SNX29: variants seen among roughly 807,000 people sequenced by gnomAD.
SNX29 encodes the protein sorting nexin 29.
SNX29 carries 78 observed loss-of-function variants against 102.1 expected under a neutral mutation model. The observed-to-expected ratio is 0.76, with a 90% CI of 0.64 to 0.92. SNX29 has a LOEUF of 0.92. Ranked by LOEUF, SNX29 falls within the 40% of genes least tolerant of loss-of-function variation. The probability of loss-of-function intolerance (pLI) is 0.00; values close to 1 mark genes in which losing one functional copy is unlikely to be tolerated. For missense variants in SNX29, 1,280 were observed against 1,061.7 expected (o/e 1.21, Z -2.86); for synonymous variants, 580 against 414.5 (o/e 1.40, Z -4.85).
At chr16:12,361,217 C>A (rs1370863637) in intron 16 of SNX29, among the ~76,000 whole-genome samples, 1 of 152,150 alleles carries the variant, frequency 6.6e-6, no homozygotes, top group Non-Finnish European at 1.5e-5. Flanking sequence ...CTCTGTTGTC[C>A]CTGCCCAACA....
At chr16:12,563,515 C>A (rs556384736) in intron 20 of SNX29, among the ~76,000 whole-genome samples, 1 of 152,188 alleles carries the variant, frequency 6.6e-6, no homozygotes, top group East Asian at 1.9e-4. Context: ...CTCCTCCCCG[C>A]ATGTGAAAAA....
At chr16:12,507,832 G>T (rs1217219012) in intron 19 of SNX29, among the ~76,000 whole-genome samples, 1 of 152,264 alleles carries the variant, frequency 6.6e-6, no homozygotes, top group African/African-American at 2.4e-5. Context: ...CTTGACAGGT[G>T]GCGCTTCTGT....
chr16:12,088,012 A>G (rs1412228752), intron 11 of SNX29: 1 of 456,624 alleles, frequency 2.2e-6, no homozygotes, highest in South Asian at 1.5e-5. Context: ...TTTGGGGGGT[A>G]TGAGCACTGC....
chr16:12,047,714 A>G (rs1417487497), intron 6 of SNX29, among the ~76,000 whole-genome samples: 1 of 148,874 alleles, frequency 6.7e-6, no homozygotes, highest in Admixed American at 6.7e-5. Context: ...CTGGAGTGCA[A>G]TGGCAGGATC....
intron 16 of SNX29, among the ~76,000 whole-genome samples, chr16:12,394,379 C>T (rs143904836): frequency 1.3e-5 from 2 of 152,310 alleles, no homozygotes; most frequent in East Asian, 1.9e-4. Flanking sequence ...GGAGCCAGAC[C>T]ACCTGTGTTT....
chr16:12,493,736 C>T (rs981953440), intron 19 of SNX29, among the ~76,000 whole-genome samples: 9 of 152,130 alleles, frequency 5.9e-5, no homozygotes, highest in Non-Finnish European at 8.8e-5. Context: ...GGACTATAGG[C>T]GCATGCCACC....
At chr16:12,491,034 C>T (rs1434040477) in intron 19 of SNX29, among the ~76,000 whole-genome samples, 4 of 152,226 alleles carry the variant, frequency 2.6e-5, no homozygotes, top group Non-Finnish European at 2.9e-5. Flanking sequence ...TAGCCTTTCA[C>T]AACTGCTGTT....
chr16:12,541,960 C>G (rs973235759), intron 20 of SNX29, among the ~76,000 whole-genome samples: 6 of 152,200 alleles, frequency 3.9e-5, no homozygotes, highest in African/African-American at 1.4e-4. Flanking sequence ...GACGCTGGAT[C>G]CACTTCAGAG....
At chr16:12,552,580 CA>C (rs2078049173) in intron 20 of SNX29, among the ~76,000 whole-genome samples, 1 of 151,272 alleles carries the variant, frequency 6.6e-6, no homozygotes, top group South Asian at 2.1e-4. Flanking sequence ...TTGCTGCCCT[CA>C]TGGAGTTTAT....
chr16:12,329,481 A>C (rs2081231283), intron 15 of SNX29, among the ~76,000 whole-genome samples: 1 of 152,076 alleles, frequency 6.6e-6, no homozygotes. Context: ...CATAAACCGC[A>C]GGACTGACCA....
chr16:12,526,802 C>T (rs2076796487), intron 20 of SNX29: 2 of 412,550 alleles, frequency 4.8e-6, no homozygotes, highest in South Asian at 4.6e-5. Context: ...GGGTCCACAG[C>T]CCAGGCATCT....
intron 16 of SNX29, among the ~76,000 whole-genome samples, chr16:12,388,979 G>A (rs1201627681): frequency 1.3e-5 from 2 of 152,130 alleles, no homozygotes; most frequent in Admixed American, 1.3e-4. Flanking sequence ...GCAAGGGTGA[G>A]CTCCTCAGAC....
At chr16:12,087,628 A>G (rs757048642) in intron 11 of SNX29, 3 of 358,732 alleles carry the variant, frequency 8.4e-6, no homozygotes, top group African/African-American at 2.1e-5. Flanking sequence ...AGTACTCATT[A>G]GATGGTAAAG....
intron 20 of SNX29, among the ~76,000 whole-genome samples, chr16:12,549,424 G>A (rs1260353886): frequency 6.6e-6 from 1 of 152,320 alleles, no homozygotes; most frequent in East Asian, 1.9e-4. Flanking sequence ...GAACCTGGGA[G>A]GTGGAGGTTG....
chr16:12,555,510 G>C (rs1208051441), intron 20 of SNX29, among the ~76,000 whole-genome samples: 2 of 151,714 alleles, frequency 1.3e-5, no homozygotes, highest in Admixed American at 6.6e-5. Flanking sequence ...CGCAGGGATT[G>C]ACTGGACAGC....
intron 14 of SNX29, among the ~76,000 whole-genome samples, chr16:12,239,315 C>A (rs1274175790): frequency 6.6e-6 from 1 of 152,066 alleles, no homozygotes; most frequent in Non-Finnish European, 1.5e-5. Flanking sequence ...CAGCTGGAGC[C>A]CACGTCTCTA....
intron 13 of SNX29, among the ~76,000 whole-genome samples, chr16:12,164,680 CTTT>C (rs34046413): frequency 2.6e-3 from 231 of 90,582 alleles, no homozygotes; most frequent in African/African-American, 0.011. Context: ...TTATTCATGC[CTTT>C]TTTTTTTTTT....
intron 15 of SNX29, among the ~76,000 whole-genome samples, chr16:12,348,223 T>G (rs879615580): frequency 6.6e-6 from 1 of 152,198 alleles, no homozygotes; most frequent in African/African-American, 2.4e-5. Flanking sequence ...CTGGAAGTCA[T>G]GTCTGCCAGT....
intron 3 of SNX29, among the ~76,000 whole-genome samples, chr16:12,022,871 G>T (rs1356479936): frequency 6.8e-6 from 1 of 147,590 alleles, no homozygotes; most frequent in Non-Finnish European, 1.5e-5. Flanking sequence ...CTTCCATGTT[G>T]TAGCATGGAT....
Sources: gnomAD v4.1 joint callset for allele counts (sites outside exome capture counted in the v4.1 genomes callset) on GRCh38, gnomAD v4.1.1 for gene constraint, MANE v1.5 for transcripts, NCBI Gene and HGNC (gene_info 2026-07-23, HGNC 2026-07-21) for gene names.